The following APP variants were observed in gnomAD, a reference collection of about 807,000 sequenced individuals.
APP encodes amyloid-beta precursor protein.
In APP, 31 loss-of-function variants were observed where a neutral mutation model predicts 101.4. That is an observed-to-expected ratio of 0.31 (90% CI 0.23 to 0.41). The LOEUF (loss-of-function observed/expected upper bound fraction) is 0.41, where lower values mean the gene tolerates loss of function less well. Ranked by LOEUF, APP falls within the 10% of genes least tolerant of loss-of-function variation. The pLI is 1.00. For missense variants in APP, 839 were observed against 1,003.7 expected (o/e 0.84, Z 2.22); for synonymous variants, 366 against 364.4 (o/e 1.00, Z -0.05).
chr21:25,963,788 A>T (rs2041680657), intron 11 of APP, among the ~76,000 whole-genome samples: 1 of 152,118 alleles, frequency 6.6e-6, no homozygotes, highest in Non-Finnish European at 1.5e-5. Flanking sequence ...CCTCTGAATC[A>T]CCACCTTTAT....
chr21:26,082,292 T>G (rs1272347831), intron 3 of APP, among the ~76,000 whole-genome samples: 1 of 152,212 alleles, frequency 6.6e-6, no homozygotes, highest in Non-Finnish European at 1.5e-5. Flanking sequence ...TGTTAAATGT[T>G]GCTTTATTTT....
At chr21:26,150,597 C>CTAGA (rs767289054) in intron 1 of APP, among the ~76,000 whole-genome samples, 1 of 83,378 alleles carries the variant, frequency 1.2e-5, no homozygotes, top group African/African-American at 9.5e-5. Context: ...TGATTGACAT[C>CTAGA]TAGATAGACA....
Position 26,123,041 on chromosome 21 carries a change from A to T in APP, c.58-10895T>A, listed in dbSNP as rs574148486. 2.0e-5 allele frequency among the ~76,000 whole-genome samples: 3 copies of T among 152,298 alleles called. No individual in the cohort carries two copies. The South Asian group carries it at 6.2e-4, about 32-fold the overall frequency. ...ATATTATATAAGAATCCAAGACAAGAATTCCTTACTTTTAAGGAAAGGGCA... is the reference window on the plus strand; with the variant it reads ...ATATTATATAAGAATCCAAGACAAGTATTCCTTACTTTTAAGGAAAGGGCA... On this transcript the variant is annotated intron_variant, in intron 1 of 17. Transcript: ENST00000346798.
intron 17 of APP, among the ~76,000 whole-genome samples, chr21:25,888,910 T>A (rs765147830): frequency 6.6e-6 from 1 of 152,228 alleles, no homozygotes; most frequent in South Asian, 2.1e-4. Context: ...AAATGATGTG[T>A]CAGGGATTCT....
chr21:26,073,698 A>G (rs187145493), intron 3 of APP, among the ~76,000 whole-genome samples: 24 of 152,348 alleles, frequency 1.6e-4, no homozygotes, highest in Admixed American at 1.5e-3. Context: ...ATACAGGGTC[A>G]GTAGGCCAAG....
chr21:25,999,178 G>C (rs1489663688), intron 7 of APP, among the ~76,000 whole-genome samples: 1 of 152,136 alleles, frequency 6.6e-6, no homozygotes, highest in African/African-American at 2.4e-5. Flanking sequence ...TGTGATCCTA[G>C]CTGCTGGGGA....
At chr21:26,059,742 T>G (rs113422617) in intron 3 of APP, among the ~76,000 whole-genome samples, 78 of 151,744 alleles carry the variant, frequency 5.1e-4, no homozygotes, top group African/African-American at 1.8e-3. Flanking sequence ...TACAAAAAAA[T>G]TAGCCAGGCG....
In APP at chr21:26,090,326, T is replaced by C. The variant is rs1232693984; in HGVS notation, c.226-254A>G. Among the ~76,000 whole-genome samples the C allele has an allele frequency of 9.9e-5, 15 of 152,232 alleles. No homozygotes were observed. The East Asian group carries it at 2.9e-3, about 29-fold the overall frequency. Reference sequence around the variant, plus strand: ...CAATGAGCATTTCCTTTGAGCATCATGTTGACATGCAAATAGTTTTGGGTT... The same window carrying C: ...CAATGAGCATTTCCTTTGAGCATCACGTTGACATGCAAATAGTTTTGGGTT... On this transcript the variant is annotated intron_variant, in intron 2 of 17. Coordinates refer to ENST00000346798, the MANE Select transcript of APP (RefSeq NM_000484.4).
intron 1 of APP, among the ~76,000 whole-genome samples, chr21:26,154,950 T>C (rs932331640): frequency 1.3e-5 from 2 of 152,162 alleles, no homozygotes; most frequent in African/African-American, 4.8e-5. Context: ...CTGGTCTGAA[T>C]TAAAATATGT....
intron 5 of APP, among the ~76,000 whole-genome samples, chr21:26,047,925 T>A (rs1273487509): frequency 6.6e-6 from 1 of 152,232 alleles, no homozygotes. Flanking sequence ...TTTTTCATAT[T>A]GGTCACATGA....
chr21:25,955,981 T>C (rs1034922129), intron 11 of APP, among the ~76,000 whole-genome samples: 3 of 152,316 alleles, frequency 2.0e-5, no homozygotes, highest in South Asian at 2.1e-4. Flanking sequence ...ATTCTCGACA[T>C]ATATGATGAC....
At chr21:25,934,111 CAG>C in intron 13 of APP, 1 of 152,144 alleles carries the variant, frequency 6.6e-6, no homozygotes, top group East Asian at 1.9e-4. Context: ...CATGTGAAGA[CAG>C]AGGTGGAGAT....
chr21:25,975,305 A>G (rs2146573000), intron 10 of APP, 77 bp from the exon 11 acceptor site: 1 of 1,583,324 alleles, frequency 6.3e-7, no homozygotes, highest in South Asian at 1.1e-5. Context: ...TCTAAAAAAG[A>G]CATCCTATTC....
chr21:26,105,702 A>G (rs1392466123), intron 2 of APP, among the ~76,000 whole-genome samples: 1 of 152,228 alleles, frequency 6.6e-6, no homozygotes, highest in East Asian at 1.9e-4. Context: ...TTCAAGATGC[A>G]CAATTTGAAA....
At chr21:26,031,714 T>TC (rs60670432) in intron 5 of APP, among the ~76,000 whole-genome samples, 152,317 of 152,332 alleles carry the variant, frequency 1, 76,151 homozygotes, top group Middle Eastern at 1. Flanking sequence ...CCTGGGTCCC[T>TC]CCACAACATG....
chr21:26,120,032 T>C (rs2062530029), intron 1 of APP, among the ~76,000 whole-genome samples: 1 of 152,242 alleles, frequency 6.6e-6, no homozygotes, highest in African/African-American at 2.4e-5. Flanking sequence ...ATTCAATTTC[T>C]AAATTTCTAC....
At chr21:25,883,837 G>A (rs576106512) in intron 17 of APP, among the ~76,000 whole-genome samples, 2 of 152,330 alleles carry the variant, frequency 1.3e-5, no homozygotes, top group South Asian at 4.1e-4. Context: ...TCCCAAGGCA[G>A]CTGGAATAGG....
intron 13 of APP, among the ~76,000 whole-genome samples, chr21:25,918,720 G>A (rs939736202): frequency 4.6e-5 from 7 of 151,530 alleles, no homozygotes; most frequent in African/African-American, 7.3e-5. Flanking sequence ...CACCTGGCTC[G>A]GAGGGTCCTA....
chr21:25,888,805 A>G (rs987214102), intron 17 of APP, among the ~76,000 whole-genome samples: 1 of 152,242 alleles, frequency 6.6e-6, no homozygotes, highest in Non-Finnish European at 1.5e-5. Context: ...GGCAGCTGGA[A>G]GAGCACTTAA....
Sources: allele counts gnomAD v4.1 joint callset (sites outside exome capture counted in the v4.1 genomes callset), GRCh38; gene constraint gnomAD v4.1.1; transcripts MANE v1.5; gene names NCBI Gene and HGNC (gene_info 2026-07-23, HGNC 2026-07-21).